Variants in ROBO1 observed in about 807,000 individuals in gnomAD.
The protein encoded by ROBO1 is roundabout guidance receptor 1, also known as roundabout homolog 1.
In ROBO1, 149 loss-of-function variants were observed where a neutral mutation model predicts 195.9. The ratio of observed to expected loss-of-function variants is 0.76; its 90% CI spans 0.67 to 0.87. The LOEUF is 0.87. ROBO1 is among the 40% of genes least tolerant of loss of function. ROBO1 has a pLI of 0.00. For synonymous variants in ROBO1, 816 were observed against 733.2 expected (o/e 1.11, Z -1.82); for missense variants, 1,933 against 2,068.3 (o/e 0.93, Z 1.27).
chr3:78,959,446 G>A (rs2041226117), intron 3 of ROBO1, among the ~76,000 whole-genome samples: 1 of 152,044 alleles, frequency 6.6e-6, no homozygotes, highest in Non-Finnish European at 1.5e-5. Context: ...TTTAAAACCA[G>A]AGGAATAATA....
intron 18 of ROBO1, among the ~76,000 whole-genome samples, chr3:78,655,075 G>A (rs375556703): frequency 1.3e-5 from 2 of 151,960 alleles, no homozygotes; most frequent in South Asian, 2.1e-4. Context: ...CAAACCAGGA[G>A]CTATTTTTGT....
chr3:79,408,627 A>T (rs778761260), intron 2 of ROBO1, among the ~76,000 whole-genome samples: 2 of 152,086 alleles, frequency 1.3e-5, no homozygotes, highest in Non-Finnish European at 2.9e-5. Flanking sequence ...TCTTTGAATC[A>T]TACTACATAT....
intron 1 of ROBO1, among the ~76,000 whole-genome samples, chr3:79,620,465 C>T (rs1028909954): frequency 6.6e-5 from 10 of 152,170 alleles, no homozygotes; most frequent in Admixed American, 1.3e-4. Flanking sequence ...TGGGTATCGA[C>T]GGCCAGGCTT....
chr3:79,752,601 T>A (rs1383530053), intron 1 of ROBO1, among the ~76,000 whole-genome samples: 1 of 152,176 alleles, frequency 6.6e-6, no homozygotes, highest in Non-Finnish European at 1.5e-5. Context: ...TTGCTTGGAC[T>A]CTATTCTGCA....
At chr3:78,670,538 G>A (rs186788428) in intron 10 of ROBO1, 15 of 492,874 alleles carry the variant, frequency 3.0e-5, no homozygotes, top group Admixed American at 1.8e-4. Context: ...TGGCTGCATC[G>A]TCAAGAGGCC....
intron 2 of ROBO1, among the ~76,000 whole-genome samples, chr3:79,250,534 G>T (rs1044128186): frequency 6.6e-6 from 1 of 151,882 alleles, no homozygotes; most frequent in Non-Finnish European, 1.5e-5. Context: ...ATGTTTTCTG[G>T]CTGTACGTTT....
chr3:79,040,302 C>A (rs1357501405), intron 3 of ROBO1, among the ~76,000 whole-genome samples: 1 of 152,096 alleles, frequency 6.6e-6, no homozygotes, highest in Non-Finnish European at 1.5e-5. Flanking sequence ...TCAGCTCTAA[C>A]ATCACAAAAA....
intron 2 of ROBO1, among the ~76,000 whole-genome samples, chr3:79,337,198 CT>C (rs2034710404): frequency 6.6e-6 from 1 of 152,010 alleles, no homozygotes; most frequent in Admixed American, 6.5e-5. Flanking sequence ...CTTTGGGGGA[CT>C]GTTGGAATTA....
intron 2 of ROBO1, among the ~76,000 whole-genome samples, chr3:79,293,874 C>A (rs1416181949): frequency 6.6e-6 from 1 of 150,854 alleles, no homozygotes; most frequent in South Asian, 2.1e-4. Context: ...CTGGCTAACA[C>A]GGTGAAACCC....
intron 28 of ROBO1, among the ~76,000 whole-genome samples, chr3:78,610,387 C>A (rs1271354991): frequency 6.6e-6 from 1 of 152,012 alleles, no homozygotes; most frequent in African/African-American, 2.4e-5. Context: ...CCAAGGGACC[C>A]AAGGAAGAAT....
chr3:78,655,172 A>G (rs1232774402), intron 18 of ROBO1, among the ~76,000 whole-genome samples: 2 of 152,198 alleles, frequency 1.3e-5, no homozygotes, highest in Admixed American at 6.5e-5. Context: ...GTTTTTAGTT[A>G]TATGGATAAG....
intron 1 of ROBO1, 91 bp from the exon 2 acceptor site, chr3:79,590,052 A>C (rs755270449): frequency 2.2e-5 from 12 of 549,932 alleles, no homozygotes; most frequent in Admixed American, 3.5e-5. Flanking sequence ...ATAGATTTGA[A>C]ATGTCATTTT....
intron 4 of ROBO1, among the ~76,000 whole-genome samples, chr3:78,805,103 G>T (rs561877235): frequency 4.6e-5 from 7 of 152,160 alleles, no homozygotes; most frequent in African/African-American, 1.7e-4. Context: ...ATCTTCAAAT[G>T]CTTGGAAAGA....
At chr3:79,542,741 G>A (rs1426106910) in intron 2 of ROBO1, among the ~76,000 whole-genome samples, 4 of 152,032 alleles carry the variant, frequency 2.6e-5, no homozygotes, top group Admixed American at 1.3e-4. Flanking sequence ...CAGCTAGTAA[G>A]CGGTTGAGCC....
chr3:79,621,007 C>T (rs534649233), intron 1 of ROBO1, among the ~76,000 whole-genome samples: 35 of 152,164 alleles, frequency 2.3e-4, no homozygotes, highest in African/African-American at 7.5e-4. Flanking sequence ...CCCATATACT[C>T]TCCTATCCTC....
intron 2 of ROBO1, among the ~76,000 whole-genome samples, chr3:79,560,973 T>C (rs1576026876): frequency 6.6e-6 from 1 of 152,276 alleles, no homozygotes; most frequent in Non-Finnish European, 1.5e-5. Flanking sequence ...ATCTGCTGTT[T>C]TTTTTCCCAA....
intron 10 of ROBO1, among the ~76,000 whole-genome samples, chr3:78,680,149 A>T (rs2080858532): frequency 6.6e-6 from 1 of 152,220 alleles, no homozygotes; most frequent in African/African-American, 2.4e-5. Context: ...CTGAAGCTGG[A>T]TCCCTTCCTT....
chr3:79,042,889 A>G (rs1187976090), intron 3 of ROBO1, among the ~76,000 whole-genome samples: 1 of 152,184 alleles, frequency 6.6e-6, no homozygotes, highest in African/African-American at 2.4e-5. Flanking sequence ...TTACTGCCAA[A>G]TGTCAATTTT....
chr3:79,262,448 T>G (rs984830560), intron 2 of ROBO1, among the ~76,000 whole-genome samples: 1 of 152,096 alleles, frequency 6.6e-6, no homozygotes, highest in African/African-American at 2.4e-5. Context: ...GCATTTGATA[T>G]TTAGAGTACA....
Sources: allele counts gnomAD v4.1 joint callset (sites outside exome capture counted in the v4.1 genomes callset), GRCh38; gene constraint gnomAD v4.1.1; transcripts MANE v1.5; gene names NCBI Gene and HGNC (gene_info 2026-07-23, HGNC 2026-07-21).